Variants in P2RY8 observed in about 807,000 individuals in gnomAD.
The protein encoded by P2RY8 is P2Y receptor family member 8, also known as S-geranylgeranyl-glutathione receptor P2RY8.
Under a neutral mutation model 10.0 loss-of-function variants are expected in P2RY8, and 6 were observed. The observed-to-expected ratio is 0.60, with a 90% CI of 0.33 to 1.19. P2RY8 has a LOEUF of 1.19. Ranked by LOEUF, P2RY8 falls within the 50% of genes most tolerant of loss-of-function variation. The pLI, the probability that P2RY8 is intolerant of heterozygous loss-of-function variation, is 0.04. For missense variants in P2RY8, 456 were observed against 542.0 expected (o/e 0.84, Z 1.58); for synonymous variants, 276 against 252.5 (o/e 1.09, Z -0.88).
intron 1 of P2RY8, among the ~76,000 whole-genome samples, chrX:1,479,984 G>A (rs776910437): frequency 3.9e-5 from 6 of 152,122 alleles, no homozygotes; most frequent in South Asian, 2.1e-4. Context: ...AAATTGAATC[G>A]ATAATTTAAT....
intron 1 of P2RY8, among the ~76,000 whole-genome samples, chrX:1,512,422 C>A (rs2092305110): frequency 6.6e-6 from 1 of 151,744 alleles, no homozygotes; most frequent in African/African-American, 2.4e-5. Flanking sequence ...TGGTGGGTAC[C>A]TGTCATCCCA....
intron 1 of P2RY8, among the ~76,000 whole-genome samples, chrX:1,506,678 CT>C (rs1184780031): frequency 1.4e-5 from 2 of 140,824 alleles, no homozygotes; most frequent in African/African-American, 5.0e-5. Context: ...CACTTTCTTT[CT>C]TTCTTTTTTT....
chrX:1,502,031 C>A (rs1315477710), intron 1 of P2RY8, among the ~76,000 whole-genome samples: 3 of 152,174 alleles, frequency 2.0e-5, no homozygotes, highest in Admixed American at 2.0e-4. Context: ...CTGCCTCGGC[C>A]TCTTGAATAT....
chrX:1,467,528 G>A (rs1353219973), intron 1 of P2RY8, among the ~76,000 whole-genome samples: 1 of 152,200 alleles, frequency 6.6e-6, no homozygotes, highest in Admixed American at 6.5e-5. Flanking sequence ...TTTGGGTTCC[G>A]CTTGGTGTGG....
intron 1 of P2RY8, among the ~76,000 whole-genome samples, chrX:1,479,941 C>G (rs1383771474): frequency 2.0e-5 from 3 of 152,142 alleles, no homozygotes; most frequent in Non-Finnish European, 2.9e-5. Flanking sequence ...CAAGAAGAAA[C>G]AGCCAATCTG....
chrX:1,494,392 A>G (rs2092097174), intron 1 of P2RY8: 1 of 152,228 alleles, frequency 6.6e-6, no homozygotes, highest in Non-Finnish European at 1.5e-5. Context: ...AGCTTGGTGC[A>G]TGGCGGTTAT....
intron 1 of P2RY8, among the ~76,000 whole-genome samples, chrX:1,526,679 T>TCCA (rs1380262711): frequency 4.6e-5 from 7 of 150,912 alleles, no homozygotes; most frequent in Non-Finnish European, 4.4e-5. Context: ...TTATTCAGCA[T>TCCA]TCATCCATCC....
At chrX:1,519,254 T>C (rs774649994) in intron 1 of P2RY8, among the ~76,000 whole-genome samples, 49 of 152,070 alleles carry the variant, frequency 3.2e-4, no homozygotes, top group African/African-American at 4.8e-4. Context: ...TCCCCAATAA[T>C]CTCTCTGGTC....
chrX:1,533,604 T>G (rs1344466285), intron 1 of P2RY8, among the ~76,000 whole-genome samples: 1 of 120,888 alleles, frequency 8.3e-6, no homozygotes, highest in African/African-American at 3.3e-5. Context: ...ATTTATTATT[T>G]AAATATATTA....
intron 1 of P2RY8, among the ~76,000 whole-genome samples, chrX:1,534,184 TTA>T (rs1225677447): frequency 5.7e-5 from 8 of 139,608 alleles, no homozygotes; most frequent in East Asian, 4.1e-4. Context: ...TATTATATAT[TTA>T]TATATATTTA....
chrX:1,524,648 T>C (rs2092423442), intron 1 of P2RY8, among the ~76,000 whole-genome samples: 1 of 73,510 alleles, frequency 1.4e-5, no homozygotes, highest in African/African-American at 5.4e-5. Flanking sequence ...CATCCATACA[T>C]CCATCCATCC....
At chrX:1,474,624 A>T (rs1203367146) in intron 1 of P2RY8, among the ~76,000 whole-genome samples, 1 of 143,182 alleles carries the variant, frequency 7.0e-6, no homozygotes, top group African/African-American at 2.7e-5. Flanking sequence ...GGGTGGGTGG[A>T]TGGATGGATC....
intron 1 of P2RY8, among the ~76,000 whole-genome samples, chrX:1,501,430 T>C (rs761327135): frequency 4.0e-4 from 61 of 152,202 alleles, no homozygotes; most frequent in African/African-American, 1.4e-3. Flanking sequence ...TGACATTATA[T>C]AGCTCACTGC....
At chrX:1,529,176 A>T (rs1373930697) in intron 1 of P2RY8, among the ~76,000 whole-genome samples, 1 of 151,922 alleles carries the variant, frequency 6.6e-6, no homozygotes, top group Non-Finnish European at 1.5e-5. Context: ...TGCACAGGGA[A>T]TATCTGCTTA....
intron 1 of P2RY8, among the ~76,000 whole-genome samples, chrX:1,506,685 T>TC (rs1261445684): frequency 4.7e-5 from 7 of 150,522 alleles, no homozygotes; most frequent in South Asian, 2.1e-4. Context: ...TTTCTTTCTT[T>TC]TTTTTTTTTT....
chrX:1,495,921 G>T (rs1435736159), intron 1 of P2RY8, among the ~76,000 whole-genome samples: 1 of 148,970 alleles, frequency 6.7e-6, no homozygotes, highest in Non-Finnish European at 1.5e-5. Flanking sequence ...GACACACACA[G>T]AGAGATGACC....
intron 1 of P2RY8, among the ~76,000 whole-genome samples, chrX:1,491,041 C>A (rs1291470950): frequency 2.7e-5 from 4 of 149,130 alleles, no homozygotes; most frequent in Middle Eastern, 3.7e-3. Flanking sequence ...AGATTCACTT[C>A]TGCAAATGTA....
intron 1 of P2RY8, among the ~76,000 whole-genome samples, chrX:1,490,533 AAT>A (rs1400267207): frequency 4.8e-5 from 7 of 145,212 alleles, no homozygotes; most frequent in South Asian, 4.5e-4. Context: ...GGAATGAATG[AAT>A]GATACCCCGG....
At position 1,464,392 on chromosome X, in the gene P2RY8, G is replaced by T. The variant is rs776704841; in HGVS notation, c.*1087C>A. 61 of 233,614 alleles carry T rather than the reference G, an allele frequency of 2.6e-4. No homozygotes were observed. The Admixed American group carries it at 3.2e-3, about 12-fold the overall frequency. The allele number at this position is 233,614 out of a possible 1,614,324, so 14.5% of individuals were successfully genotyped here. A position where few individuals can be genotyped will look rare whatever the true frequency, so the allele number is the denominator to read the frequency against. On this transcript the variant is annotated 3_prime_UTR_variant, in exon 2 of 2. Transcript: ENST00000381297. ...GGGCTCAGCGGCTGACACCCCTGTA[G>T]GTTCCTGGGGTCCACACCTGCATCT...
Sources: gnomAD v4.1 joint callset for allele counts (sites outside exome capture counted in the v4.1 genomes callset) on GRCh38, gnomAD v4.1.1 for gene constraint, MANE v1.5 for transcripts, NCBI Gene and HGNC (gene_info 2026-07-23, HGNC 2026-07-21) for gene names.